BLTP3B: variants seen among roughly 807,000 people sequenced by gnomAD.
BLTP3B encodes the protein bridge-like lipid transfer protein family member 3B, also known as UHRF1 (ICBP90) binding protein 1-like.
chr12:100,128,448 T>C, the BLTP3B span: 1 of 674,688 alleles, frequency 1.5e-6, no homozygotes, highest in South Asian at 3.5e-5. Flanking sequence ...AGCTACATAG[T>C]AAAGAAAATG....
the BLTP3B span, among the ~76,000 whole-genome samples, chr12:100,130,753 T>C: frequency 4.6e-5 from 7 of 152,082 alleles, no homozygotes; most frequent in South Asian, 6.2e-4. Flanking sequence ...CTGTCTCTAC[T>C]AAAACCAAAC....
the BLTP3B span, among the ~76,000 whole-genome samples, chr12:100,099,920 C>T: frequency 7.2e-6 from 1 of 139,096 alleles, no homozygotes; most frequent in Non-Finnish European, 1.5e-5. Context: ...AGAGAGAGAT[C>T]ACATTTCAAA....
chr12:100,114,849 T>C, the BLTP3B span, among the ~76,000 whole-genome samples: 1 of 152,128 alleles, frequency 6.6e-6, no homozygotes, highest in East Asian at 1.9e-4. Flanking sequence ...CTACAGAAAC[T>C]CCTATTTCCT....
the BLTP3B span, among the ~76,000 whole-genome samples, chr12:100,129,535 C>G: frequency 4.9e-4 from 75 of 152,238 alleles, no homozygotes; most frequent in African/African-American, 1.7e-3. Context: ...ATTGCCAGGG[C>G]GATTCTGCCC....
the BLTP3B span, among the ~76,000 whole-genome samples, chr12:100,120,103 G>A: frequency 2.6e-5 from 4 of 152,204 alleles, no homozygotes; most frequent in Non-Finnish European, 5.9e-5. Flanking sequence ...AGGCCTGGGC[G>A]TGGTGCCTCA....
At chr12:100,107,596 C>T in the BLTP3B span, among the ~76,000 whole-genome samples, 350 of 152,016 alleles carry the variant, frequency 2.3e-3, 8 homozygotes, top group East Asian at 0.04. Flanking sequence ...GATTGCACCA[C>T]TGCACTCCAG....
chr12:100,097,567 A>G, the BLTP3B span: 3 of 1,491,776 alleles, frequency 2.0e-6, no homozygotes, highest in Non-Finnish European at 2.7e-6. Context: ...AAAAATGTAG[A>G]TTTTTAAAAA....
the BLTP3B span, among the ~76,000 whole-genome samples, chr12:100,120,051 A>C: frequency 6.6e-6 from 1 of 152,222 alleles, no homozygotes; most frequent in Non-Finnish European, 1.5e-5. Flanking sequence ...TTTTTTTTAA[A>C]TTCTTACAAC....
chr12:100,089,885 T>C, the BLTP3B span, among the ~76,000 whole-genome samples: 1 of 152,172 alleles, frequency 6.6e-6, no homozygotes, highest in Non-Finnish European at 1.5e-5. Flanking sequence ...AATTCAATCA[T>C]GGGGGTGGCT....
chr12:100,064,923 A>G, the BLTP3B span, among the ~76,000 whole-genome samples: 1 of 152,048 alleles, frequency 6.6e-6, no homozygotes, highest in African/African-American at 2.4e-5. Context: ...GTATACAAGC[A>G]ACGAATAGCA....
the BLTP3B span, among the ~76,000 whole-genome samples, chr12:100,061,643 C>A: frequency 2.3e-5 from 3 of 129,622 alleles, no homozygotes; most frequent in Admixed American, 9.1e-5. Context: ...GATGACAGAG[C>A]GAGACTCCGT....
the BLTP3B span, among the ~76,000 whole-genome samples, chr12:100,078,077 C>A: frequency 1.3e-5 from 2 of 152,068 alleles, no homozygotes; most frequent in Admixed American, 1.3e-4. Flanking sequence ...TGGATATTGT[C>A]CCCTCTAAAT....
the BLTP3B span, among the ~76,000 whole-genome samples, chr12:100,076,791 A>G: frequency 2.0e-5 from 3 of 152,238 alleles, no homozygotes; most frequent in African/African-American, 4.8e-5. Context: ...GCATATATGG[A>G]AACAAATTCT....
chr12:100,136,944 T>C, the BLTP3B span, among the ~76,000 whole-genome samples: 1 of 152,170 alleles, frequency 6.6e-6, no homozygotes, highest in Non-Finnish European at 1.5e-5. Flanking sequence ...CCCGAGTAGC[T>C]GGGATTACAG....
At chr12:100,136,536 C>T in the BLTP3B span, among the ~76,000 whole-genome samples, 2 of 152,026 alleles carry the variant, frequency 1.3e-5, no homozygotes, top group Non-Finnish European at 2.9e-5. Context: ...TGCTCAAAAA[C>T]GTTAAATACA....
At chr12:100,048,732 G>GA in the BLTP3B span, among the ~76,000 whole-genome samples, 6 of 140,292 alleles carry the variant, frequency 4.3e-5, no homozygotes, top group Admixed American at 1.4e-4. Flanking sequence ...ATAGTAAGGG[G>GA]GGGGAGAGAG....
At chr12:100,136,635 TG>T in the BLTP3B span, among the ~76,000 whole-genome samples, 2 of 152,282 alleles carry the variant, frequency 1.3e-5, no homozygotes, top group South Asian at 4.1e-4. Flanking sequence ...AGTTAGCATT[TG>T]AAAAAATAAT....
chr12:100,039,475 G>C, the BLTP3B span: 1 of 1,051,028 alleles, frequency 9.5e-7, no homozygotes, highest in Non-Finnish European at 1.3e-6. Flanking sequence ...AAAGCACCTG[G>C]GCACAATAAC....
the BLTP3B span, chr12:100,060,074 TTAATTG>T: frequency 6.6e-7 from 1 of 1,517,702 alleles, no homozygotes; most frequent in East Asian, 2.4e-5. Flanking sequence ...TTAAAAATTT[TTAATTG>T]GATGGTTCTA....
Sources: gnomAD v4.1 joint callset for allele counts (sites outside exome capture counted in the v4.1 genomes callset) on GRCh38, gnomAD v4.1.1 for gene constraint, MANE v1.5 for transcripts, NCBI Gene and HGNC (gene_info 2026-07-23, HGNC 2026-07-21) for gene names.